The following EXD3 variants were observed in gnomAD, a reference collection of about 807,000 sequenced individuals.
EXD3 encodes exonuclease mut-7 homolog.
A neutral mutation model predicts 98.0 loss-of-function variants in EXD3; 92 were observed. The ratio of observed to expected loss-of-function variants is 0.94; its 90% CI spans 0.79 to 1.12. EXD3 has a LOEUF of 1.12. Ranked by LOEUF, EXD3 falls within the 50% of genes most tolerant of loss-of-function variation. The pLI, the probability that EXD3 is intolerant of heterozygous loss-of-function variation, is 0.00. For missense variants in EXD3, 1,222 were observed against 1,191.6 expected (o/e 1.03, Z -0.38); for synonymous variants, 569 against 526.0 (o/e 1.08, Z -1.12).
At position 137,306,972 on chromosome 9, in the gene EXD3, C is replaced by A; in HGVS notation, c.2609G>T (p.Ser870Ile). The change falls in exon 22 of 22, where the codon AGC (serine) becomes ATC (isoleucine). Residue 870 changes from serine (S) to isoleucine (I), a missense_variant. Transcript: ENST00000340951. Reference sequence around the variant, plus strand: ...TCCTCAGAAGGGACTGCTGGCCGGGCTGGGGGCTGGGCTCGGCTCGCAGGG... The same window carrying A: ...TCCTCAGAAGGGACTGCTGGCCGGGATGGGGGCTGGGCTCGGCTCGCAGGG... The part of the protein sequence containing the change: ...PSPCEPSPAP[S>I]PASSPF 6.3e-7 allele frequency: 1 copy of A among 1,590,654 alleles called. No individual in the cohort carries two copies. The highest frequency in any genetic ancestry group is 8.6e-7 in the Non-Finnish European group (1 of 1,166,874).
chr9:137,316,817 G>T (rs185982721), intron 19 of EXD3, among the ~76,000 whole-genome samples: 1 of 152,298 alleles, frequency 6.6e-6, no homozygotes, highest in East Asian at 1.9e-4. Flanking sequence ...TGGGAGCCCC[G>T]CCCCGCACAG....
rs544593151 is a variant in EXD3 at position 137,369,779 on chromosome 9, G to A, written c.463-1790C>T. On this transcript the variant is annotated intron_variant, in intron 5 of 21. Transcript: ENST00000340951. ...TGGGTGGCTTCTGCCTCTGTGTCCC[G>A]CACGCTGCGACCCCGTCAGAGGCAG... Among the ~76,000 whole-genome samples, 18 of 152,298 alleles carry A rather than the reference G, an allele frequency of 1.2e-4. No homozygotes were observed. The East Asian group carries it at 2.9e-3, about 24-fold the overall frequency.
intron 10 of EXD3, chr9:137,353,129 C>T: frequency 5.9e-6 from 7 of 1,182,270 alleles, no homozygotes; most frequent in Non-Finnish European, 4.2e-6. Flanking sequence ...TCCCGGCCTC[C>T]AAGCCTCCAC....
chr9:137,361,764 A>T (rs1835005856), intron 7 of EXD3, among the ~76,000 whole-genome samples: 1 of 139,562 alleles, frequency 7.2e-6, no homozygotes, highest in South Asian at 2.4e-4. Context: ...AAAAAAAAAA[A>T]TTACCAGGCA....
At chr9:137,380,192 C>A (rs894038763) in intron 3 of EXD3, among the ~76,000 whole-genome samples, 14 of 151,872 alleles carry the variant, frequency 9.2e-5, no homozygotes, top group Non-Finnish European at 1.3e-4. Flanking sequence ...GTCCCTCCTC[C>A]CTTCGAGCCC....
intron 19 of EXD3, among the ~76,000 whole-genome samples, chr9:137,310,141 G>A (rs575312429): frequency 2.8e-4 from 42 of 152,240 alleles, no homozygotes; most frequent in Non-Finnish European, 3.7e-4. Context: ...TGATACCTGC[G>A]CCTCCCACTG....
At chr9:137,322,185 C>G (rs1832065026) in intron 19 of EXD3, among the ~76,000 whole-genome samples, 1 of 152,178 alleles carries the variant, frequency 6.6e-6, no homozygotes, top group African/African-American at 2.4e-5. Flanking sequence ...TGGGACCCAC[C>G]CAGCCTGAAG....
intron 4 of EXD3, among the ~76,000 whole-genome samples, 152 bp downstream of exon 4, chr9:137,373,274 G>A (rs1181011240): frequency 8.1e-6 from 1 of 124,206 alleles, no homozygotes; most frequent in Non-Finnish European, 1.8e-5. Context: ...TGAAGCCACG[G>A]GCTGAGTCTT....
Position 137,329,565 on chromosome 9 carries a change from GACTACAC to G in EXD3, c.1999-5429_1999-5423del, listed in dbSNP as rs1365322115. ...CACGGGACTACACGGGACTACACGG[GACTACAC>G]GGGGCTACACGGGACTACACGGGAC... On this transcript the variant is annotated intron_variant, in intron 17 of 21. Coordinates refer to ENST00000340951, the MANE Select transcript of EXD3 (RefSeq NM_017820.5). Among the ~76,000 whole-genome samples the G allele has an allele frequency of 3.1e-3, 190 of 61,244 alleles. 2 individuals carry two copies. Among genetic ancestry groups the G allele is most frequent in the East Asian group, 0.013 (10 of 742 alleles). The allele number at this position is 61,244 out of a possible 152,430, so 40.2% of individuals were successfully genotyped here. A position where few individuals can be genotyped will look rare whatever the true frequency, so the allele number is the denominator to read the frequency against.
Position 137,367,936 on chromosome 9 carries a change from C to G in EXD3, c.516G>C (p.Lys172Asn). ...LKLQSELGVEKMSIPLLLQDK... is the reference protein window; with the variant it reads ...LKLQSELGVENMSIPLLLQDK... The stretch of plus-strand genomic sequence containing the variant: ...CAATTTACATGAGAAAGACGTTCAC[C>G]TTTTCAACGCCAAGCTCCGACTGCA... Residue 172 changes from lysine (K) to asparagine (N), a missense_variant and splice_region_variant, in exon 6 of 22, where the codon AAG becomes AAC. Lys to Asn is a moderately conservative substitution (Grantham distance 94). Transcript: ENST00000340951. 6.2e-7 allele frequency: 1 copy of G among 1,612,042 alleles called. No individual in the cohort carries two copies.
intron 1 of EXD3, among the ~76,000 whole-genome samples, chr9:137,418,912 A>T (rs143969705): frequency 6.6e-6 from 1 of 152,216 alleles, no homozygotes; most frequent in Non-Finnish European, 1.5e-5. Flanking sequence ...TACCAATTTG[A>T]TTAAATGAAT....
At chr9:137,318,622 A>G (rs754356509) in intron 19 of EXD3, among the ~76,000 whole-genome samples, 2 of 149,940 alleles carry the variant, frequency 1.3e-5, no homozygotes, top group Non-Finnish European at 3.0e-5. Flanking sequence ...CCCCACCCCC[A>G]CCCTGCCCCA....
intron 1 of EXD3, among the ~76,000 whole-genome samples, chr9:137,411,502 C>G (rs1209179769): frequency 6.6e-6 from 1 of 151,826 alleles, no homozygotes; most frequent in Non-Finnish European, 1.5e-5. Context: ...AAGCTTCGCC[C>G]TCAAGTAGGA....
Position 137,395,441 on chromosome 9 carries a change from C to T in EXD3, c.-47-37G>A. 1.3e-6 allele frequency: 2 copies of T among 1,594,896 alleles called. No homozygotes were observed. Among genetic ancestry groups the T allele is most frequent in the Non-Finnish European group, 1.7e-6 (2 of 1,166,412 alleles). The stretch of plus-strand genomic sequence containing the variant: ...GACAATCAGGTGAATGCAGAGCCCA[C>T]TGCAACAGGCAGCCATGCAGAGCCC... On this transcript the variant is annotated intron_variant, in intron 1 of 21. Coordinates refer to ENST00000340951, the MANE Select transcript of EXD3 (RefSeq NM_017820.5). This position sits in a 1 kb window ranked among gnomAD's most constrained non-coding sequence, Gnocchi z 6.5.
chr9:137,410,464 G>A (rs1185071620), intron 1 of EXD3, among the ~76,000 whole-genome samples: 2 of 142,240 alleles, frequency 1.4e-5, no homozygotes, highest in East Asian at 2.0e-4. Flanking sequence ...CAGCCTGGGC[G>A]ACAGAGCGAA....
At position 137,377,465 on chromosome 9, in the gene EXD3, G is replaced by A. The variant is rs894703262; in HGVS notation, c.121-3866C>T. ...GTCTCTAAAAAAAAAAAAAAAAAGGGAAAGGCAGATTTCAAAAAGGACCTA... is the reference window on the plus strand; with the variant it reads ...GTCTCTAAAAAAAAAAAAAAAAAGGAAAAGGCAGATTTCAAAAAGGACCTA... On this transcript the variant is annotated intron_variant, in intron 3 of 21. Transcript: ENST00000340951. Among the ~76,000 whole-genome samples the A allele has an allele frequency of 4.6e-5, 7 of 150,626 alleles. No individual in the cohort carries two copies. In the East Asian group the frequency reaches 1.4e-3, roughly 30 times the overall value.
intron 3 of EXD3, 110 bp downstream of exon 3, chr9:137,383,203 G>A (rs1431359648): frequency 2.1e-5 from 19 of 898,118 alleles, no homozygotes; most frequent in Non-Finnish European, 3.4e-5. Context: ...GTGGCCGTGG[G>A]GGGCTGTGCA....
intron 1 of EXD3, among the ~76,000 whole-genome samples, chr9:137,400,826 C>A (rs10124498): frequency 2.0e-5 from 3 of 151,876 alleles, no homozygotes; most frequent in Non-Finnish European, 4.4e-5. Context: ...ACAGGGCCCA[C>A]GCAAGTCTGA....
chr9:137,378,360 C>T (rs1203324658), intron 3 of EXD3, among the ~76,000 whole-genome samples: 1 of 152,114 alleles, frequency 6.6e-6, no homozygotes, highest in Admixed American at 6.6e-5. Flanking sequence ...AGGTGCATGC[C>T]ACCACGCTCG....
Sources: allele counts gnomAD v4.1 joint callset (sites outside exome capture counted in the v4.1 genomes callset), GRCh38; gene constraint gnomAD v4.1.1; non-coding constraint Gnocchi (gnomAD v3.1); transcripts MANE v1.5; gene names NCBI Gene and HGNC (gene_info 2026-07-23, HGNC 2026-07-21).